The following SLC22A24 variants were observed in gnomAD, a reference collection of about 807,000 sequenced individuals.
SLC22A24 encodes the protein solute carrier family 22 member 24, also known as steroid transmembrane transporter SLC22A24.
In SLC22A24, 53 loss-of-function variants were observed where a neutral mutation model predicts 49.8. That is an observed-to-expected ratio of 1.06 (90% CI 0.85 to 1.34). The LOEUF (loss-of-function observed/expected upper bound fraction) is 1.34, where lower values mean the gene tolerates loss of function less well. Ranked by LOEUF, SLC22A24 falls within the 40% of genes most tolerant of loss-of-function variation. SLC22A24 has a pLI of 0.00. For synonymous variants in SLC22A24, 302 were observed against 256.4 expected (o/e 1.18, Z -1.70); for missense variants, 786 against 675.9 (o/e 1.16, Z -1.81).
Position 63,094,784 on chromosome 11 carries a change from G to T in SLC22A24, c.1070+1207C>A, listed in dbSNP as rs555037656. 1.1e-4 allele frequency among the ~76,000 whole-genome samples: 17 copies of T among 152,326 alleles called. No individual in the cohort carries two copies. The Middle Eastern group carries it at 0.01, about 91-fold the overall frequency. The stretch of plus-strand genomic sequence containing the variant: ...TTTGGCTGCATAAATGTCTTCTTTT[G>T]AGAAGTGTCTGTTCATATCCTTCAC... On this transcript the variant is annotated intron_variant, in intron 6 of 9. Transcript: ENST00000612278.
At chr11:63,135,026 T>C (rs1304934885) in intron 1 of SLC22A24, among the ~76,000 whole-genome samples, 1 of 152,202 alleles carries the variant, frequency 6.6e-6, no homozygotes, top group African/African-American at 2.4e-5. Context: ...TGTCTACAAG[T>C]CTTTATTCCT....
chr11:63,110,145 A>G (rs1486475913), intron 4 of SLC22A24, among the ~76,000 whole-genome samples: 1 of 151,022 alleles, frequency 6.6e-6, no homozygotes, highest in Non-Finnish European at 1.5e-5. Flanking sequence ...TTTGTCAAAG[A>G]TCAGATAGTT....
chr11:63,129,181 G>T (rs2087315630), intron 2 of SLC22A24, among the ~76,000 whole-genome samples: 1 of 152,126 alleles, frequency 6.6e-6, no homozygotes. Context: ...TCCAGTTTTA[G>T]CTTTCTACGT....
chr11:63,104,333 A>G, intron 4 of SLC22A24, 35 bp from the exon 5 acceptor site: 3 of 1,521,398 alleles, frequency 2.0e-6, no homozygotes, highest in Non-Finnish European at 2.6e-6. Context: ...ATAGTAAACA[A>G]TTACTTATTT....
intron 6 of SLC22A24, among the ~76,000 whole-genome samples, chr11:63,084,430 GT>G (rs1478809582): frequency 3.9e-4 from 60 of 152,292 alleles, no homozygotes; most frequent in African/African-American, 1.3e-3. Context: ...AGAAAAGAGT[GT>G]TGGGGTGGGG....
chr11:63,090,661 T>C (rs1235144103), intron 6 of SLC22A24, among the ~76,000 whole-genome samples: 3 of 10,468 alleles, frequency 2.9e-4, no homozygotes, highest in Non-Finnish European at 1.6e-3. Flanking sequence ...GAACTTAAAG[T>C]ACAATAAATA....
At chr11:63,114,250 G>C (rs1033412375) in intron 4 of SLC22A24, among the ~76,000 whole-genome samples, 1 of 152,144 alleles carries the variant, frequency 6.6e-6, no homozygotes, top group Non-Finnish European at 1.5e-5. Flanking sequence ...TTTCTTAGAA[G>C]CTTTGTTCAC....
intron 4 of SLC22A24, among the ~76,000 whole-genome samples, chr11:63,112,297 G>A (rs1442146078): frequency 1.3e-5 from 2 of 152,128 alleles, no homozygotes; most frequent in African/African-American, 2.4e-5. Context: ...GAATAAGTGT[G>A]GTGTAGTGCT....
chr11:63,095,928 G>T, intron 6 of SLC22A24, 63 bp downstream of exon 6: 2 of 1,196,182 alleles, frequency 1.7e-6, no homozygotes, highest in South Asian at 1.4e-5. Flanking sequence ...CTAATCTTTT[G>T]AAAGAAGAAA....
At chr11:63,140,932 G>T (rs996019179) in intron 1 of SLC22A24, among the ~76,000 whole-genome samples, 1 of 152,154 alleles carries the variant, frequency 6.6e-6, no homozygotes, top group East Asian at 1.9e-4. Flanking sequence ...TTTGTAAAGC[G>T]TTAATCTTAT....
Position 63,143,399 on chromosome 11 carries a change from G to A in SLC22A24, c.381C>T (p.Phe127=), listed in dbSNP as rs1050842218. The part of the protein sequence containing the change: ...VDGWVYDRSS[F]LSTIVTEWDL... Reference sequence around the variant, plus strand: ...TTACCTCAGTCACGATGGTGGAGAGGAAAGAGCTTCTGTCGTACACCCAGC... The same window carrying A: ...TTACCTCAGTCACGATGGTGGAGAGAAAAGAGCTTCTGTCGTACACCCAGC... The change falls in exon 1 of 10, where the codon TTC becomes TTT. Residue 127 remains phenylalanine (F), a synonymous_variant. Coordinates refer to ENST00000612278, the MANE Select transcript of SLC22A24 (RefSeq NM_001136506.2). 25 of 1,482,254 alleles carry A rather than the reference G, an allele frequency of 1.7e-5. No individual in the cohort carries two copies. The highest frequency in any genetic ancestry group is 2.1e-5 in the Non-Finnish European group (24 of 1,117,086). The allele number at this position is 1,482,254 out of a possible 1,614,324, so 91.8% of individuals were successfully genotyped here.
intron 5 of SLC22A24, among the ~76,000 whole-genome samples, chr11:63,099,262 T>TC (rs1173090117): frequency 6.6e-6 from 1 of 151,872 alleles, no homozygotes; most frequent in Non-Finnish European, 1.5e-5. Flanking sequence ...CAGTGATGCT[T>TC]TCATGGCTTA....
At position 63,097,241 on chromosome 11, in the gene SLC22A24, A is replaced by C. The variant is rs915714081; in HGVS notation, c.955-1135T>G. 9.4e-5 allele frequency among the ~76,000 whole-genome samples: 14 copies of C among 148,494 alleles called. No individual in the cohort carries two copies. In the East Asian group the frequency reaches 1.4e-3, roughly 15 times the overall value. ...TAAACAAATTTACAAGAAAAAAAAAACAACCCCATCAAAAAGTGGGTGAAG... is the reference window on the plus strand; with the variant it reads ...TAAACAAATTTACAAGAAAAAAAAACCAACCCCATCAAAAAGTGGGTGAAG... On this transcript the variant is annotated intron_variant, in intron 5 of 9. Transcript: ENST00000612278.
At chr11:63,095,736 T>C (rs2087050209) in intron 6 of SLC22A24, among the ~76,000 whole-genome samples, 1 of 152,212 alleles carries the variant, frequency 6.6e-6, no homozygotes, top group South Asian at 2.1e-4. Flanking sequence ...AAACTTACTA[T>C]CACCATAATA....
rs1334036809 is a variant in SLC22A24 at position 63,096,025 on chromosome 11, A to G, written c.1036T>C (p.Leu346=). ...CACAGGCCGAAGACTCTCATTCGCAATTTGGGTGCACGGAACAGGGAAAAA... is the reference window on the plus strand; with the variant it reads ...CACAGGCCGAAGACTCTCATTCGCAGTTTGGGTGCACGGAACAGGGAAAAA... ...SIFSLFRAPK[L]RMRVFGLCFV... The change falls in exon 6 of 10, where the codon TTG becomes CTG. Residue 346 remains leucine, a synonymous_variant. Transcript: ENST00000612278. The G allele has an allele frequency of 1.3e-6, 2 of 1,550,790 alleles. No homozygotes were observed.
In SLC22A24 at chr11:63,081,580, CGTT is replaced by C. The variant is rs749994372; in HGVS notation, c.1369_1371del (p.Asn457del). 4 of 1,551,366 alleles carry C rather than the reference CGTT, an allele frequency of 2.6e-6. No individual in the cohort carries two copies. In the South Asian group the frequency reaches 4.8e-5, roughly 18 times the overall value. On this transcript the variant is annotated inframe_deletion, in exon 8 of 10. Transcript: ENST00000612278. The stretch of plus-strand genomic sequence containing the variant: ...TACCTCAATATGGTGGGGACGAGCT[CGTT>C]GTGGTGGACAGAAGCACTGTTGCTA...
At chr11:63,090,182 C>T (rs1249662341) in intron 6 of SLC22A24, among the ~76,000 whole-genome samples, 1 of 151,310 alleles carries the variant, frequency 6.6e-6, no homozygotes, top group Admixed American at 6.6e-5. Context: ...ATATATGCAC[C>T]CAATGGAGGA....
chr11:63,100,105 G>T (rs891773509), intron 5 of SLC22A24, among the ~76,000 whole-genome samples: 5 of 152,062 alleles, frequency 3.3e-5, no homozygotes, highest in African/African-American at 1.2e-4. Context: ...GATATAAATG[G>T]CATCCAAATT....
intron 5 of SLC22A24, among the ~76,000 whole-genome samples, chr11:63,102,587 G>C (rs2087097838): frequency 6.6e-6 from 1 of 152,144 alleles, no homozygotes; most frequent in African/African-American, 2.4e-5. Flanking sequence ...CTGCACACAT[G>C]ATAGCGTGGG....
Sources: gnomAD v4.1 joint callset for allele counts (sites outside exome capture counted in the v4.1 genomes callset) on GRCh38, gnomAD v4.1.1 for gene constraint, MANE v1.5 for transcripts, NCBI Gene and HGNC (gene_info 2026-07-23, HGNC 2026-07-21) for gene names.